CELF2: variants seen among roughly 807,000 people sequenced by gnomAD.
CELF2 encodes the protein CUGBP Elav-like family member 2, also known as CUG triplet repeat RNA-binding protein 2.
In CELF2, 8 loss-of-function variants were observed where a neutral mutation model predicts 62.6. The observed-to-expected ratio is 0.13, with a 90% confidence interval of 0.07 to 0.23. The LOEUF is 0.23. Among genes scored for constraint, CELF2 ranks in the 10% least tolerant of loss-of-function variants. CELF2 has a pLI of 1.00. For synonymous variants in CELF2, 258 were observed against 250.0 expected (o/e 1.03, Z -0.30); for missense variants, 333 against 671.0 (o/e 0.50, Z 5.56).
rs2762540 is a variant in CELF2, at chr10:11,075,599, G to A, written c.74+57436G>A. 0.047 allele frequency among the ~76,000 whole-genome samples: 7,177 copies of A among 152,218 alleles called. 236 individuals carry two copies. Among genetic ancestry groups the A allele is most frequent in the African/African-American group, 0.099 (4,092 of 41,504 alleles). ...AAGTGGATTATTGCTGTGAACATAC[G>A]TATGGACTTAAATGTCCAGGGTCTA... is the stretch of plus-strand genomic sequence containing the variant. On this transcript the variant is annotated intron_variant, in intron 1 of 12. Transcript: ENST00000633077. This position sits in a 1 kb window ranked among gnomAD's most constrained non-coding sequence, Gnocchi z 5.4.
At chr10:10,678,231 T>C in the CELF2 span, among the ~76,000 whole-genome samples, 1 of 152,138 alleles carries the variant, frequency 6.6e-6, no homozygotes, top group Non-Finnish European at 1.5e-5. Flanking sequence ...GTTTGTTTGA[T>C]TGTTTTATGG....
chr10:10,815,904 G>GTTT (rs33926226), intron 1 of CELF2, among the ~76,000 whole-genome samples: 103 of 132,618 alleles, frequency 7.8e-4, no homozygotes, highest in East Asian at 1.9e-3. Flanking sequence ...GGTTTGGGTT[G>GTTT]TTTTTTTTTT....
At chr10:11,050,137 C>CT (rs1249002934) in intron 1 of CELF2, among the ~76,000 whole-genome samples, 1 of 152,166 alleles carries the variant, frequency 6.6e-6, no homozygotes, top group Non-Finnish European at 1.5e-5. Flanking sequence ...TGGCCTCCTG[C>CT]TAAGGGCAGG....
intron 2 of CELF2, among the ~76,000 whole-genome samples, chr10:10,942,776 T>G (rs1293666201): frequency 1.3e-5 from 2 of 152,208 alleles, no homozygotes; most frequent in African/African-American, 4.8e-5. Flanking sequence ...TGGAGAGTTA[T>G]TTTTGATGCA....
intron 1 of CELF2, among the ~76,000 whole-genome samples, chr10:10,803,909 T>C (rs1182103573): frequency 6.6e-6 from 1 of 152,218 alleles, no homozygotes; most frequent in Non-Finnish European, 1.5e-5. Context: ...GCTTTGTATA[T>C]GTCATTCACA....
intron 2 of CELF2, among the ~76,000 whole-genome samples, chr10:10,992,919 T>C (rs1231063056): frequency 6.6e-6 from 1 of 152,064 alleles, no homozygotes; most frequent in African/African-American, 2.4e-5. Flanking sequence ...GTGGAGGAGA[T>C]CAAGGGCAGG....
chr10:10,904,268 C>T (rs902764075), intron 1 of CELF2, among the ~76,000 whole-genome samples: 1 of 151,384 alleles, frequency 6.6e-6, no homozygotes, highest in African/African-American at 2.4e-5. Context: ...CTTCTGTCAC[C>T]CAGGCTAGAG....
intron 2 of CELF2, among the ~76,000 whole-genome samples, chr10:11,175,279 G>A (rs2070640965): frequency 6.6e-6 from 1 of 152,144 alleles, no homozygotes; most frequent in Admixed American, 6.5e-5. Context: ...AGCCCACATG[G>A]AAAGGTCTAG....
intron 1 of CELF2, among the ~76,000 whole-genome samples, chr10:10,916,009 A>C (rs2064289055): frequency 6.6e-6 from 1 of 152,212 alleles, no homozygotes; most frequent in Admixed American, 6.5e-5. Context: ...GTCAATGAAA[A>C]ATGCATGGTT....
the CELF2 span, chr10:10,784,459 T>C: frequency 3.9e-5 from 6 of 152,360 alleles, no homozygotes; most frequent in Non-Finnish European, 5.9e-5. Context: ...TGTAAGGTTT[T>C]ATTGAGTGGT....
the CELF2 span, among the ~76,000 whole-genome samples, chr10:10,551,698 T>G: frequency 6.6e-6 from 1 of 152,104 alleles, no homozygotes; most frequent in Non-Finnish European, 1.5e-5. Flanking sequence ...CCTTAAGCAG[T>G]CAGTGATCCA....
intron 1 of CELF2, among the ~76,000 whole-genome samples, chr10:10,880,938 T>A (rs980351131): frequency 2.0e-5 from 3 of 152,208 alleles, no homozygotes; most frequent in Non-Finnish European, 2.9e-5. Context: ...AGGACTACCA[T>A]TTTTTATTCT....
Position 11,285,106 on chromosome 10 carries a change from GTGGATGGGCGGA to G in CELF2, c.842-3309_842-3298del, listed in dbSNP as rs2090771294. Among the ~76,000 whole-genome samples the G allele has an allele frequency of 6.6e-6, 1 of 150,902 alleles. No homozygotes were observed. Among genetic ancestry groups the G allele is most frequent in the African/African-American group, 2.4e-5 (1 of 41,070 alleles). ...GATGGATGGATGGATGGGTGGGTGGGTGGATGGGCGGATGATGGATATATGGATGGATGGTTG... is the reference window on the plus strand; with the variant it reads ...GATGGATGGATGGATGGGTGGGTGGGTGATGGATATATGGATGGATGGTTG... On this transcript the variant is annotated intron_variant, in intron 8 of 12. Coordinates refer to ENST00000633077, the MANE Select transcript of CELF2 (RefSeq NM_001326342.2). The surrounding 1 kb of genome is among the most constrained non-coding windows in gnomAD (Gnocchi z 4.3).
chr10:10,724,673 A>AG, the CELF2 span, among the ~76,000 whole-genome samples: 3,099 of 150,354 alleles, frequency 0.021, 155 homozygotes, highest in African/African-American at 0.071. Context: ...AAAAAAAAGA[A>AG]AAAAGAAAAG....
the CELF2 span, among the ~76,000 whole-genome samples, chr10:10,618,750 C>A: frequency 2.0e-5 from 3 of 151,966 alleles, no homozygotes; most frequent in African/African-American, 7.3e-5. Context: ...CACAGACACA[C>A]GCAAGGAGTG....
chr10:10,841,567 G>C (rs1020980288), intron 1 of CELF2, among the ~76,000 whole-genome samples: 2 of 150,222 alleles, frequency 1.3e-5, no homozygotes, highest in African/African-American at 4.9e-5. Flanking sequence ...TTAATCTATG[G>C]CCTATATTTG....
chr10:11,087,230 G>A (rs1051478145), intron 1 of CELF2, among the ~76,000 whole-genome samples: 10 of 152,110 alleles, frequency 6.6e-5, no homozygotes, highest in Middle Eastern at 3.2e-3. Flanking sequence ...TTCATATACC[G>A]GCTCCCAAAC....
intron 1 of CELF2, among the ~76,000 whole-genome samples, chr10:10,853,602 G>A: frequency 6.6e-6 from 1 of 151,756 alleles, no homozygotes; most frequent in East Asian, 1.9e-4. Flanking sequence ...AGCATTTTTT[G>A]GTGTTAATGT....
chr10:11,134,862 A>T (rs768252819), intron 1 of CELF2, among the ~76,000 whole-genome samples: 2 of 152,312 alleles, frequency 1.3e-5, no homozygotes, highest in Admixed American at 6.5e-5. Context: ...AAGGAGGGGC[A>T]CGTGTCTATC....
Sources: gnomAD v4.1 joint callset for allele counts (sites outside exome capture counted in the v4.1 genomes callset) on GRCh38, gnomAD v4.1.1 for gene constraint, Gnocchi (gnomAD v3.1) non-coding constraint, MANE v1.5 for transcripts, NCBI Gene and HGNC (gene_info 2026-07-23, HGNC 2026-07-21) for gene names.